Variants in CCT2 observed in about 807,000 individuals in gnomAD.
CCT2 encodes chaperonin containing TCP1 subunit 2, also known as T-complex protein 1 subunit beta.
CCT2 carries 18 observed loss-of-function variants against 61.8 expected under a neutral mutation model. That is an observed-to-expected ratio of 0.29 (90% CI 0.20 to 0.43). The LOEUF is 0.43. Among genes scored for constraint, CCT2 ranks in the 20% least tolerant of loss-of-function variants. The pLI is 1.00. For synonymous variants in CCT2, 248 were observed against 215.9 expected (o/e 1.15, Z -1.30); for missense variants, 556 against 656.9 (o/e 0.85, Z 1.68).
chr12:69,592,196 C>T lies in CCT2; in HGVS notation c.750+37C>T, dbSNP rs1428145243. On this transcript the variant is annotated intron_variant, in intron 8 of 15. Coordinates refer to ENST00000299300, the MANE Select transcript of CCT2 (RefSeq NM_006431.3). ...TACTTTTTAAAAATTAAAATTACTG[C>T]CCAGGCAGAGTGGCTCATGCCTGTA... is the stretch of plus-strand genomic sequence containing the variant. 5.7e-6 allele frequency: 7 copies of T among 1,233,648 alleles called. No homozygotes were observed. The Admixed American group carries it at 8.9e-5, about 16-fold the overall frequency. 76.4% of individuals were successfully genotyped at this position (1,233,648 alleles called of 1,614,324 possible). A position where few individuals can be genotyped will look rare whatever the true frequency, so the allele number is the denominator to read the frequency against.
At position 69,587,537 on chromosome 12, in the gene CCT2, C is replaced by T. The variant is rs1225425065; in HGVS notation, c.177C>T (p.Ala59=). Residue 59 remains alanine, a synonymous_variant, in exon 4 of 16, where the codon GCC becomes GCT. Coordinates refer to ENST00000299300, the MANE Select transcript of CCT2 (RefSeq NM_006431.3). ...TTCTTCTAAGCAGTGGACGAGATGCCTCTCTTATGGTAACCAATGATGGTG... is the reference window on the plus strand; with the variant it reads ...TTCTTCTAAGCAGTGGACGAGATGCTTCTCTTATGGTAACCAATGATGGTG... The part of the protein sequence containing the change: ...DKILLSSGRD[A]SLMVTNDGAT... 7 of 1,613,074 alleles carry T rather than the reference C, an allele frequency of 4.3e-6. No individual in the cohort carries two copies. Among genetic ancestry groups the T allele is most frequent in the Non-Finnish European group, 5.9e-6 (7 of 1,179,222 alleles).
Position 69,601,295 on chromosome 12 carries a change from G to A in CCT2, c.1578G>A (p.Arg526=). 1 of 1,597,394 alleles carries A rather than the reference G, an allele frequency of 6.3e-7. No homozygotes were observed. The highest frequency in any genetic ancestry group is 1.1e-5 in the South Asian group (1 of 87,366). The change falls in exon 16 of 16, where the codon AGG becomes AGA. Residue 526 remains arginine (R), a splice_region_variant and synonymous_variant. Coordinates refer to ENST00000299300, the MANE Select transcript of CCT2 (RefSeq NM_006431.3). ...RVDNIIKAAP[R]KRVPDHHPC ...ATTGACTTTTTTCTTACTCTCATAG[G>A]AAACGTGTCCCTGATCACCACCCCT... is the stretch of plus-strand genomic sequence containing the variant.
chr12:69,595,540 T>G lies in CCT2; in HGVS notation c.983-1616T>G, dbSNP rs187511216. The stretch of plus-strand genomic sequence containing the variant: ...CTGTCTCTACTAAAAATAAAAAAAT[T>G]AGCCAGGCGTGGTGGTGGGTGCCTG... On this transcript the variant is annotated intron_variant, in intron 10 of 15. Transcript: ENST00000299300. Among the ~76,000 whole-genome samples, 23 of 152,002 alleles carry G rather than the reference T, an allele frequency of 1.5e-4. No individual in the cohort carries two copies. In the East Asian group the frequency reaches 4.5e-3, roughly 29 times the overall value.
chr12:69,591,969 A>G, intron 7 of CCT2, 90 bp from the exon 8 acceptor site: 1 of 701,636 alleles, frequency 1.4e-6, no homozygotes, highest in African/African-American at 2.1e-5. Context: ...TCTTTGAAAC[A>G]GTGATATGAT....
chr12:69,597,939 C>T, intron 12 of CCT2, 29 bp from the exon 13 acceptor site: 1 of 1,565,102 alleles, frequency 6.4e-7, no homozygotes, highest in Non-Finnish European at 8.8e-7. Context: ...CTAAGCATTG[C>T]AATATTTTAT....
chr12:69,601,147 T>G, intron 15 of CCT2, 148 bp from the exon 16 acceptor site: 1 of 632,898 alleles, frequency 1.6e-6, no homozygotes, highest in Non-Finnish European at 2.6e-6. Flanking sequence ...AGTTTCAATG[T>G]GAGTGTTATA....
At chr12:69,589,282 CTTTT>C in intron 6 of CCT2, 199 bp from the exon 7 acceptor site, 2 of 540,964 alleles carry the variant, frequency 3.7e-6, no homozygotes, top group Non-Finnish European at 6.6e-6. Context: ...CCCCACCCCT[CTTTT>C]TTTTTTGGCA....
At chr12:69,600,042 C>A in intron 15 of CCT2, 38 bp downstream of exon 15, 1 of 1,556,988 alleles carries the variant, frequency 6.4e-7, no homozygotes. Flanking sequence ...TTACTAACAG[C>A]AAAACAAAAT....
intron 15 of CCT2, 36 bp from the exon 16 acceptor site, chr12:69,601,259 C>T (rs11177742): frequency 6.5e-7 from 1 of 1,545,532 alleles, no homozygotes; most frequent in East Asian, 2.3e-5. Flanking sequence ...TCATGCTCTT[C>T]ATTTTTCACT....
chr12:69,599,800 C>A (rs978545526), intron 14 of CCT2, 63 bp from the exon 15 acceptor site: 11 of 1,312,544 alleles, frequency 8.4e-6, no homozygotes, highest in African/African-American at 1.5e-5. Context: ...TATTATAAAT[C>A]ATTAGAGATG....
At chr12:69,592,202 C>T in intron 8 of CCT2, 43 bp downstream of exon 8, 1 of 1,119,888 alleles carries the variant, frequency 8.9e-7, no homozygotes, top group Non-Finnish European at 1.3e-6. Flanking sequence ...ACTGCCCAGG[C>T]AGAGTGGCTC....
chr12:69,588,481 A>T, intron 6 of CCT2: 1 of 503,552 alleles, frequency 2.0e-6, no homozygotes, highest in African/African-American at 1.9e-5. Flanking sequence ...ATACAAATAA[A>T]GCAAATAGTA....
At chr12:69,591,594 A>G (rs1593097448) in intron 7 of CCT2, among the ~76,000 whole-genome samples, 1 of 152,232 alleles carries the variant, frequency 6.6e-6, no homozygotes, top group South Asian at 2.1e-4. Flanking sequence ...TGTAGCGTAT[A>G]TCTGAAACAA....
intron 15 of CCT2, 128 bp from the exon 16 acceptor site, chr12:69,601,167 C>G (rs1015304383): frequency 1.4e-6 from 1 of 740,262 alleles, no homozygotes; most frequent in Non-Finnish European, 2.2e-6. Flanking sequence ...AGGGGACACA[C>G]ATGCAAACCA....
chr12:69,586,112 AATGC>A (rs1881645686), intron 1 of CCT2, 154 bp from the exon 2 acceptor site: 3 of 1,168,590 alleles, frequency 2.6e-6, no homozygotes, highest in Admixed American at 2.7e-5. Flanking sequence ...CTCCCACTTA[AATGC>A]TTTCTCCGAT....
In CCT2 at chr12:69,598,018, A is replaced by G. The variant is rs781738821; in HGVS notation, c.1282A>G (p.Thr428Ala). The G allele has an allele frequency of 6.9e-5, 112 of 1,613,940 alleles. No homozygotes were observed. The highest frequency in any genetic ancestry group is 9.4e-5 in the Non-Finnish European group (111 of 1,179,934). Residue 428 changes from threonine to alanine, a missense_variant, in exon 13 of 16, where the codon ACA (threonine) becomes GCA (alanine). Thr to Ala is a moderately conservative substitution (Grantham distance 58, BLOSUM62 0). Coordinates refer to ENST00000299300, the MANE Select transcript of CCT2 (RefSeq NM_006431.3). ...AHAVTQLANR[T>A]PGKEAVAMES... ...TGCTGTGACACAGCTTGCCAATAGAACACCAGGCAAAGAAGCTGTTGCAAT... is the reference window on the plus strand; with the variant it reads ...TGCTGTGACACAGCTTGCCAATAGAGCACCAGGCAAAGAAGCTGTTGCAAT...
At chr12:69,592,711 TC>T in intron 8 of CCT2, 1 of 291,906 alleles carries the variant, frequency 3.4e-6, no homozygotes, top group Non-Finnish European at 6.4e-6. Flanking sequence ...GATCACAAGG[TC>T]AGGAGTTCAA....
At chr12:69,587,690 G>C (rs1239476579) in intron 4 of CCT2, 74 bp downstream of exon 4, 7 of 972,926 alleles carry the variant, frequency 7.2e-6, no homozygotes, top group Non-Finnish European at 1.1e-5. Context: ...TTTATAAATA[G>C]GCTGTGTTGA....
At chr12:69,599,803 T>A in intron 14 of CCT2, 60 bp from the exon 15 acceptor site, 1 of 1,348,058 alleles carries the variant, frequency 7.4e-7, no homozygotes. Flanking sequence ...TATAAATCAT[T>A]AGAGATGTTT....
Sources: allele counts gnomAD v4.1 joint callset (sites outside exome capture counted in the v4.1 genomes callset), GRCh38; gene constraint gnomAD v4.1.1; transcripts MANE v1.5; gene names NCBI Gene and HGNC (gene_info 2026-07-23, HGNC 2026-07-21).